GTF2A1: variants seen among roughly 807,000 people sequenced by gnomAD.
The protein encoded by GTF2A1 is general transcription factor IIA subunit 1.
A neutral mutation model predicts 54.1 loss-of-function variants in GTF2A1; 12 were observed. That is an observed-to-expected ratio of 0.22 (90% confidence interval 0.14 to 0.36). GTF2A1 has a LOEUF of 0.36. GTF2A1 is among the 10% of genes least tolerant of loss of function. The pLI, the probability that GTF2A1 is intolerant of heterozygous loss-of-function variation, is 1.00. For missense variants in GTF2A1, 335 were observed against 442.2 expected (o/e 0.76, Z 2.17); for synonymous variants, 145 against 152.0 (o/e 0.95, Z 0.34).
chr14:81,205,120 A>AT (rs895562035), intron 2 of GTF2A1, among the ~76,000 whole-genome samples: 70 of 146,850 alleles, frequency 4.8e-4, no homozygotes, highest in Middle Eastern at 3.5e-3. Context: ...TTATTTTTTT[A>AT]TTTTTTTTTT....
intron 7 of GTF2A1, 116 bp from the exon 8 acceptor site, chr14:81,185,736 G>A (rs140037160): frequency 2.7e-4 from 139 of 516,968 alleles, no homozygotes; most frequent in Middle Eastern, 2.1e-3. Context: ...ATATATGTAC[G>A]CCATGAATTT....
intron 2 of GTF2A1, 63 bp from the exon 3 acceptor site, chr14:81,204,167 G>T: frequency 9.8e-7 from 1 of 1,018,008 alleles, no homozygotes; most frequent in Non-Finnish European, 1.6e-6. Flanking sequence ...GAATACAACA[G>T]TTTTATTAAT....
At chr14:81,183,125 T>G (rs1892673121) in intron 8 of GTF2A1, among the ~76,000 whole-genome samples, 1 of 152,146 alleles carries the variant, frequency 6.6e-6, no homozygotes, top group Non-Finnish European at 1.5e-5. Flanking sequence ...CTGATTGGAG[T>G]AAGCTTCCCA....
At chr14:81,197,004 A>G (rs1055954517) in intron 5 of GTF2A1, among the ~76,000 whole-genome samples, 2 of 152,226 alleles carry the variant, frequency 1.3e-5, no homozygotes, top group African/African-American at 4.8e-5. Flanking sequence ...TCTTTTGTCA[A>G]TGAAGAGATA....
chr14:81,219,864 T>A (rs1346329977), intron 1 of GTF2A1, among the ~76,000 whole-genome samples: 1 of 152,176 alleles, frequency 6.6e-6, no homozygotes, highest in African/African-American at 2.4e-5. Context: ...GATGGGGGTC[T>A]TCCCCTTCGC....
chr14:81,175,645 C>T lies in GTF2A1; in HGVS notation c.*4578G>A, dbSNP rs866507291. The stretch of plus-strand genomic sequence containing the variant: ...AAAATAACACAAAATATATTCAATA[C>T]GCAATACAAACCTCAGTAATCCAAT... On this transcript the variant is annotated 3_prime_UTR_variant, in exon 9 of 9. Coordinates refer to ENST00000553612, the MANE Select transcript of GTF2A1 (RefSeq NM_015859.4). The T allele has an allele frequency of 5.9e-5, 9 of 152,138 alleles. No homozygotes were observed. The highest frequency in any genetic ancestry group is 1.2e-4 in the African/African-American group (5 of 41,426). 9.4% of individuals were successfully genotyped at this position (152,138 alleles called of 1,614,324 possible).
At chr14:81,188,857 T>C (rs1892808670) in intron 7 of GTF2A1, among the ~76,000 whole-genome samples, 1 of 152,142 alleles carries the variant, frequency 6.6e-6, no homozygotes, top group Admixed American at 6.5e-5. Context: ...TAATTTCAGC[T>C]CTTAGATGTA....
chr14:81,218,040 C>T lies in GTF2A1; in HGVS notation c.31-1526G>A, dbSNP rs201215041. Among the ~76,000 whole-genome samples the T allele has an allele frequency of 9.9e-5, 15 of 151,592 alleles. No homozygotes were observed. In the East Asian group the frequency reaches 2.5e-3, roughly 25 times the overall value. On this transcript the variant is annotated intron_variant, in intron 1 of 8. Coordinates refer to ENST00000553612, the MANE Select transcript of GTF2A1 (RefSeq NM_015859.4). Reference sequence around the variant, plus strand: ...TAAGGAAAGTATATCTGACTATGGACATCATCTTGCCTAAAGTGACTTAAC... The same window carrying T: ...TAAGGAAAGTATATCTGACTATGGATATCATCTTGCCTAAAGTGACTTAAC...
intron 1 of GTF2A1, among the ~76,000 whole-genome samples, chr14:81,219,326 G>A (rs1372271579): frequency 6.6e-6 from 1 of 152,186 alleles, no homozygotes; most frequent in African/African-American, 2.4e-5. Context: ...TCTTGCCTCG[G>A]GAGCACGCAC....
At chr14:81,217,601 A>C (rs1893514165) in intron 1 of GTF2A1, among the ~76,000 whole-genome samples, 2 of 152,220 alleles carry the variant, frequency 1.3e-5, no homozygotes, top group Non-Finnish European at 2.9e-5. Context: ...AGAGTTCAAG[A>C]CCAGCCTGGG....
chr14:81,188,009 T>C (rs1251924773), intron 7 of GTF2A1, among the ~76,000 whole-genome samples: 1 of 152,198 alleles, frequency 6.6e-6, no homozygotes, highest in Non-Finnish European at 1.5e-5. Context: ...CTTTTTTGAG[T>C]ATAGCTATTC....
chr14:81,219,259 G>C (rs961190862), intron 1 of GTF2A1, among the ~76,000 whole-genome samples: 1 of 152,190 alleles, frequency 6.6e-6, no homozygotes, highest in African/African-American at 2.4e-5. Context: ...CGACGGGTGC[G>C]AAATCACAGG....
intron 2 of GTF2A1, among the ~76,000 whole-genome samples, chr14:81,207,076 C>T (rs1595225268): frequency 6.6e-6 from 1 of 151,990 alleles, no homozygotes; most frequent in Non-Finnish European, 1.5e-5. Flanking sequence ...AATATGATAT[C>T]CTCTGCTTAA....
At chr14:81,209,110 T>C (rs1893305726) in intron 2 of GTF2A1, among the ~76,000 whole-genome samples, 1 of 152,188 alleles carries the variant, frequency 6.6e-6, no homozygotes, top group Non-Finnish European at 1.5e-5. Flanking sequence ...GACAGAATGA[T>C]ATTGTTTGGC....
chr14:81,195,991 T>C lies in GTF2A1; in HGVS notation c.612+117A>G, dbSNP rs570096302. On this transcript the variant is annotated intron_variant, in intron 6 of 8. Coordinates refer to ENST00000553612, the MANE Select transcript of GTF2A1 (RefSeq NM_015859.4). ...GTATACAGGAGAAATTTGAAACAAC[T>C]GGGTCTGTAGCACTGAAAAAGAGTC... 14 of 825,338 alleles carry C rather than the reference T, an allele frequency of 1.7e-5. No individual in the cohort carries two copies. The African/African-American group carries it at 2.2e-4, about 13-fold the overall frequency. The allele number at this position is 825,338 out of a possible 1,614,324, so 51.1% of individuals were successfully genotyped here. A position where few individuals can be genotyped will look rare whatever the true frequency, so the allele number is the denominator to read the frequency against.
chr14:81,210,858 C>T (rs1191560394), intron 2 of GTF2A1, among the ~76,000 whole-genome samples: 3 of 152,028 alleles, frequency 2.0e-5, no homozygotes, highest in Admixed American at 6.6e-5. Flanking sequence ...CCCAAGACAC[C>T]GCACCCAGCC....
At chr14:81,188,638 A>C (rs1409873108) in intron 7 of GTF2A1, among the ~76,000 whole-genome samples, 1 of 151,732 alleles carries the variant, frequency 6.6e-6, no homozygotes, top group African/African-American at 2.4e-5. Context: ...TTAGCCGGGC[A>C]TGGTGGCGGG....
At chr14:81,195,963 G>C (rs1892983366) in intron 6 of GTF2A1, 145 bp downstream of exon 6, 3 of 655,376 alleles carry the variant, frequency 4.6e-6, no homozygotes, top group Non-Finnish European at 8.0e-6. Flanking sequence ...TCTAAGTTAA[G>C]CTGTATACAG....
intron 2 of GTF2A1, 41 bp downstream of exon 2, chr14:81,216,372 G>T: frequency 5.9e-6 from 5 of 848,028 alleles, no homozygotes; most frequent in Non-Finnish European, 8.0e-6. Context: ...AATGTTTTGT[G>T]GGGGAAAAGT....
Sources: allele counts gnomAD v4.1 joint callset (sites outside exome capture counted in the v4.1 genomes callset), GRCh38; gene constraint gnomAD v4.1.1; transcripts MANE v1.5; gene names NCBI Gene and HGNC (gene_info 2026-07-23, HGNC 2026-07-21).